The following SP140L variants were observed in gnomAD, a reference collection of about 807,000 sequenced individuals.
SP140L encodes the protein SP140 like nuclear body protein, also known as nuclear body protein SP140-like protein.
In SP140L, 64 loss-of-function variants were observed where a neutral mutation model predicts 84.3. The ratio of observed to expected loss-of-function variants is 0.76; its 90% CI spans 0.62 to 0.94. SP140L has a LOEUF of 0.94. Ranked by LOEUF, SP140L falls within the 40% of genes least tolerant of loss-of-function variation. The pLI, the probability that SP140L is intolerant of heterozygous loss-of-function variation, is 0.00. For synonymous variants in SP140L, 242 were observed against 236.9 expected, an observed-to-expected ratio of 1.02 and a Z score of -0.20; for missense variants, 628 against 692.5, an observed-to-expected ratio of 0.91 and a Z score of 1.05.
Position 230,390,004 on chromosome 2 carries a change from T to TA in SP140L, c.947dup (p.Glu317GlyfsTer15). ...GTGGTGGGGTGAAGGGAATTTTACA[T>TA]AAGGAGAAATTGGAACAAGGTGGGT... is the stretch of plus-strand genomic sequence containing the variant. On this transcript the variant is annotated frameshift_variant, in exon 11 of 19. Coordinates refer to ENST00000415673, the MANE Select transcript of SP140L (RefSeq NM_138402.6). LOFTEE classifies it high-confidence loss of function. The TA allele has an allele frequency of 1.2e-6, 2 of 1,613,578 alleles. No individual in the cohort carries two copies. The highest frequency in any genetic ancestry group is 4.5e-5 in the East Asian group (2 of 44,868).
At chr2:230,357,744 C>A (rs2060591530) in intron 2 of SP140L, 61 bp from the exon 3 acceptor site, 1 of 1,522,638 alleles carries the variant, frequency 6.6e-7, no homozygotes, top group East Asian at 2.3e-5. Context: ...AAAATCTTAC[C>A]ATCTCCACAA....
chr2:230,369,455 A>G (rs2060986302), intron 5 of SP140L, among the ~76,000 whole-genome samples: 1 of 152,252 alleles, frequency 6.6e-6, no homozygotes, highest in Admixed American at 6.5e-5. Flanking sequence ...GCCTGGGTTC[A>G]GTGTGAGCTT....
At position 230,361,608 on chromosome 2, in the gene SP140L, C is replaced by G. The variant is rs1332211741; in HGVS notation, c.440-6C>G. 1 of 1,555,664 alleles carries G rather than the reference C, an allele frequency of 6.4e-7. No individual in the cohort carries two copies. Among genetic ancestry groups the G allele is most frequent in the Non-Finnish European group, 8.7e-7 (1 of 1,148,338 alleles). ...TAATTGCTTTCTTCTCTCTCCCACT[C>G]TTCAGCAATCCAAGACAAATTGTCT... On this transcript the variant is annotated splice_polypyrimidine_tract_variant and splice_region_variant and intron_variant, in intron 4 of 18. Coordinates refer to ENST00000415673, the MANE Select transcript of SP140L (RefSeq NM_138402.6).
chr2:230,383,716 G>A, intron 8 of SP140L, 141 bp downstream of exon 8: 1 of 752,160 alleles, frequency 1.3e-6, no homozygotes, highest in Non-Finnish European at 2.0e-6. Context: ...AACAGGCTGT[G>A]ACAAAGAGGC....
intron 2 of SP140L, among the ~76,000 whole-genome samples, chr2:230,333,351 G>T (rs532351237): frequency 6.6e-6 from 1 of 151,998 alleles, no homozygotes; most frequent in Non-Finnish European, 1.5e-5. Context: ...GTAGAGACAG[G>T]GTTTCACCAT....
intron 2 of SP140L, among the ~76,000 whole-genome samples, chr2:230,332,319 C>T (rs1165362545): frequency 1.3e-5 from 2 of 152,314 alleles, no homozygotes; most frequent in African/African-American, 4.8e-5. Context: ...CTCTTTCGGC[C>T]ATCTTCCCCA....
chr2:230,361,872 G>A (rs2060729699), intron 5 of SP140L, among the ~76,000 whole-genome samples, 175 bp downstream of exon 5: 1 of 152,194 alleles, frequency 6.6e-6, no homozygotes, highest in African/African-American at 2.4e-5. Context: ...GGGTCCTGGA[G>A]AAGTGGCCAT....
chr2:230,358,997 G>C lies in SP140L; in HGVS notation c.304G>C (p.Val102Leu), dbSNP rs1445700537. The C allele has an allele frequency of 1.2e-6, 2 of 1,607,014 alleles. No individual in the cohort carries two copies. Among genetic ancestry groups the C allele is most frequent in the East Asian group, 2.2e-5 (1 of 44,760 alleles). ...SEDSCRNLVP[V>L]QRVVYNVLSE... ...AGATTCTTGTAGAAACCTGGTCCCT[G>C]TACAAAGAGTGGTGTACAATGTTCT... Residue 102 changes from valine (V) to leucine (L), a missense_variant, in exon 4 of 19, where the codon GTA becomes CTA. Physicochemically the swap from Val to Leu is conservative, Grantham distance 32. This residue lies in a region of SP140L where 525 missense variants were observed against 518.4 expected (regional missense o/e 1.01). Coordinates refer to ENST00000415673, the MANE Select transcript of SP140L (RefSeq NM_138402.6).
intron 2 of SP140L, among the ~76,000 whole-genome samples, chr2:230,354,383 A>G (rs1462059584): frequency 1.3e-5 from 2 of 152,234 alleles, no homozygotes; most frequent in Non-Finnish European, 2.9e-5. Context: ...TCAGCAAATT[A>G]GAAATAGATA....
chr2:230,396,307 G>A (rs1358230021), intron 13 of SP140L, among the ~76,000 whole-genome samples: 2 of 152,184 alleles, frequency 1.3e-5, no homozygotes, highest in African/African-American at 4.8e-5. Flanking sequence ...GTAAAGGGAA[G>A]ACTGTTTAAA....
At chr2:230,373,710 G>GCC (rs985576912) in intron 7 of SP140L, among the ~76,000 whole-genome samples, 1 of 152,180 alleles carries the variant, frequency 6.6e-6, no homozygotes, top group Non-Finnish European at 1.5e-5. Context: ...CATTCAGCAA[G>GCC]CCCATGAGTC....
At chr2:230,327,380 T>C in intron 1 of SP140L, 79 bp downstream of exon 1, 4 of 1,522,130 alleles carry the variant, frequency 2.6e-6, no homozygotes, top group Middle Eastern at 1.7e-4. Context: ...AGTTTCTGTC[T>C]AAAGCTTCAG....
chr2:230,392,546 C>T (rs752520137), intron 12 of SP140L, among the ~76,000 whole-genome samples: 1 of 152,124 alleles, frequency 6.6e-6, no homozygotes. Context: ...GGCAAGAAGA[C>T]ACTTCAGAGA....
chr2:230,400,734 C>T, intron 15 of SP140L: 2 of 1,064,622 alleles, frequency 1.9e-6, no homozygotes, highest in African/African-American at 1.6e-5. Context: ...CTCACGGTGA[C>T]ACCACCTTCC....
chr2:230,343,495 T>C (rs2060122568), intron 2 of SP140L, among the ~76,000 whole-genome samples: 1 of 147,788 alleles, frequency 6.8e-6, no homozygotes, highest in South Asian at 2.1e-4. Flanking sequence ...GATGGGCATT[T>C]AGGTGGATTA....
intron 2 of SP140L, among the ~76,000 whole-genome samples, chr2:230,356,281 C>T (rs1365497019): frequency 6.6e-6 from 1 of 152,096 alleles, no homozygotes; most frequent in Non-Finnish European, 1.5e-5. Context: ...AAGCATTTTG[C>T]CACAAAAAGA....
chr2:230,402,732 G>T, intron 18 of SP140L, 66 bp from the exon 19 acceptor site: 1 of 1,228,178 alleles, frequency 8.1e-7, no homozygotes, highest in Non-Finnish European at 1.2e-6. Flanking sequence ...ATCATTCTCA[G>T]TTGAAAGGTA....
At chr2:230,371,052 GC>G in intron 6 of SP140L, 85 bp downstream of exon 6, 1 of 1,191,600 alleles carries the variant, frequency 8.4e-7, no homozygotes, top group Non-Finnish European at 1.2e-6. Flanking sequence ...GCTCCAGTCC[GC>G]CCAGAATCCT....
Position 230,350,365 on chromosome 2 carries a change from A to G in SP140L, c.108-7440A>G, listed in dbSNP as rs1050710880. Among the ~76,000 whole-genome samples, 5 of 152,264 alleles carry G rather than the reference A, an allele frequency of 3.3e-5. No individual in the cohort carries two copies. The East Asian group carries it at 9.6e-4, about 29-fold the overall frequency. Reference sequence around the variant, plus strand: ...GCTATGTAATATTTCAACAGTGTACATTTATGATAATGCACTCAACCATTC... The same window carrying G: ...GCTATGTAATATTTCAACAGTGTACGTTTATGATAATGCACTCAACCATTC... On this transcript the variant is annotated intron_variant, in intron 2 of 18. Transcript: ENST00000415673.
Sources: gnomAD v4.1 joint callset for allele counts (sites outside exome capture counted in the v4.1 genomes callset) on GRCh38, gnomAD v4.1.1 for gene constraint, gnomAD v4.1.1 regional missense constraint, MANE v1.5 for transcripts, NCBI Gene and HGNC (gene_info 2026-07-23, HGNC 2026-07-21) for gene names.